The following NRXN3 variants were observed in gnomAD, a reference collection of about 807,000 sequenced individuals.
NRXN3 encodes the protein neurexin 3.
In NRXN3, 32 loss-of-function variants were observed where a neutral mutation model predicts 137.6. That is an observed-to-expected ratio of 0.23 (90% CI 0.18 to 0.31). The LOEUF (loss-of-function observed/expected upper bound fraction) is 0.31. Among genes scored for constraint, NRXN3 ranks in the 10% least tolerant of loss-of-function variants. The probability of loss-of-function intolerance (pLI) is 1.00; values close to 1 mark genes in which losing one functional copy is unlikely to be tolerated. For synonymous variants in NRXN3, 798 were observed against 784.5 expected (o/e 1.02, Z -0.29); for missense variants, 1,574 against 2,062.5 (o/e 0.76, Z 4.59).
chr14:79,352,111 T>C (rs1477848421), intron 15 of NRXN3, among the ~76,000 whole-genome samples: 2 of 152,204 alleles, frequency 1.3e-5, no homozygotes, highest in African/African-American at 4.8e-5. Flanking sequence ...CAGGTGATGA[T>C]AGCAAAGTCC....
At chr14:78,870,233 C>T (rs769107221) in intron 10 of NRXN3, among the ~76,000 whole-genome samples, 6 of 152,166 alleles carry the variant, frequency 3.9e-5, no homozygotes, top group Non-Finnish European at 8.8e-5. Context: ...AAGTTTTGAT[C>T]AAGTAAAAAA....
intron 15 of NRXN3, among the ~76,000 whole-genome samples, chr14:79,372,253 G>A (rs546286143): frequency 3.3e-5 from 5 of 152,180 alleles, no homozygotes; most frequent in African/African-American, 7.2e-5. Context: ...ATAAGATTCA[G>A]GAAGTCTTCT....
chr14:78,862,206 G>C (rs2099074191), intron 10 of NRXN3, among the ~76,000 whole-genome samples: 1 of 151,890 alleles, frequency 6.6e-6, no homozygotes. Flanking sequence ...GAAGTAGCTA[G>C]TCACAAGAAT....
At chr14:79,493,557 A>G (rs1351759553) in intron 16 of NRXN3, among the ~76,000 whole-genome samples, 1 of 152,234 alleles carries the variant, frequency 6.6e-6, no homozygotes, top group Non-Finnish European at 1.5e-5. Context: ...AAAAAAGCAT[A>G]GTGACTGAAG....
chr14:78,420,463 C>T (rs1383714454), intron 4 of NRXN3, among the ~76,000 whole-genome samples: 1 of 152,150 alleles, frequency 6.6e-6, no homozygotes, highest in Non-Finnish European at 1.5e-5. Flanking sequence ...TCATGTTCCT[C>T]ATCTGGGTTA....
At chr14:79,444,549 G>C (rs1230793235) in intron 15 of NRXN3, among the ~76,000 whole-genome samples, 1 of 152,208 alleles carries the variant, frequency 6.6e-6, no homozygotes, top group East Asian at 1.9e-4. Flanking sequence ...AAAGGGCTGG[G>C]CATGGTGGCC....
intron 4 of NRXN3, among the ~76,000 whole-genome samples, chr14:78,541,645 C>A (rs1448605127): frequency 6.6e-6 from 1 of 152,182 alleles, no homozygotes; most frequent in African/African-American, 2.4e-5. Context: ...CTCCATCCAG[C>A]TTTGTTCCGT....
intron 16 of NRXN3, among the ~76,000 whole-genome samples, chr14:79,581,838 T>C (rs2097719230): frequency 6.6e-6 from 1 of 151,722 alleles, no homozygotes. Flanking sequence ...ATAAGTAACA[T>C]AAACCTGTAT....
intron 8 of NRXN3, among the ~76,000 whole-genome samples, chr14:78,729,629 C>T (rs2098504916): frequency 6.6e-6 from 1 of 152,194 alleles, no homozygotes. Context: ...TTTGGCTCAT[C>T]ATAATTTATC....
intron 8 of NRXN3, among the ~76,000 whole-genome samples, chr14:78,762,442 C>T (rs549801538): frequency 1.4e-4 from 21 of 152,228 alleles, no homozygotes; most frequent in South Asian, 1.2e-3. Context: ...CAGAAAGCTA[C>T]GCAATCTCTT....
At chr14:79,383,952 G>A (rs2094536649) in intron 15 of NRXN3, among the ~76,000 whole-genome samples, 1 of 151,996 alleles carries the variant, frequency 6.6e-6, no homozygotes, top group African/African-American at 2.4e-5. Context: ...TATCATCATT[G>A]CTATTCAAAT....
intron 15 of NRXN3, among the ~76,000 whole-genome samples, chr14:79,121,708 A>G (rs935262937): frequency 3.9e-5 from 6 of 152,234 alleles, no homozygotes; most frequent in African/African-American, 1.4e-4. Flanking sequence ...AGATTGGTCA[A>G]TGATCACGAA....
intron 15 of NRXN3, among the ~76,000 whole-genome samples, chr14:79,098,354 G>C (rs2050708005): frequency 6.6e-6 from 1 of 152,110 alleles, no homozygotes. Flanking sequence ...TTACTTAGCA[G>C]TTTCATTTTG....
At chr14:78,351,618 T>C (rs2083502526) in intron 4 of NRXN3, among the ~76,000 whole-genome samples, 1 of 152,134 alleles carries the variant, frequency 6.6e-6, no homozygotes, top group Non-Finnish European at 1.5e-5. Context: ...CTGTGAGTTA[T>C]TTGTTCATAT....
At chr14:78,393,787 A>G (rs1044267392) in intron 4 of NRXN3, among the ~76,000 whole-genome samples, 2 of 152,014 alleles carry the variant, frequency 1.3e-5, no homozygotes, top group African/African-American at 4.8e-5. Context: ...TTGATTTTTA[A>G]TAAACATTCC....
At chr14:79,721,240 C>T (rs574068047) in intron 19 of NRXN3, among the ~76,000 whole-genome samples, 5 of 152,208 alleles carry the variant, frequency 3.3e-5, no homozygotes, top group African/African-American at 1.2e-4. Flanking sequence ...TAATTCCAGA[C>T]ACAGATCATT....
intron 18 of NRXN3, among the ~76,000 whole-genome samples, chr14:79,693,536 T>G (rs1176332166): frequency 6.6e-6 from 1 of 152,010 alleles, no homozygotes; most frequent in Non-Finnish European, 1.5e-5. Flanking sequence ...AAAAGCAAAC[T>G]AGATGCATGT....
At chr14:79,142,415 G>C (rs1476949373) in intron 15 of NRXN3, among the ~76,000 whole-genome samples, 2 of 151,086 alleles carry the variant, frequency 1.3e-5, no homozygotes, top group Non-Finnish European at 2.9e-5. Flanking sequence ...GACATAGTGA[G>C]ACTCCGTTTC....
At chr14:79,433,955 G>C (rs1480722631) in intron 15 of NRXN3, among the ~76,000 whole-genome samples, 1 of 152,178 alleles carries the variant, frequency 6.6e-6, no homozygotes, top group East Asian at 1.9e-4. Flanking sequence ...CATGCTTGAG[G>C]AAATTTCAGA....
Sources: allele counts gnomAD v4.1 joint callset (sites outside exome capture counted in the v4.1 genomes callset), GRCh38; gene constraint gnomAD v4.1.1; transcripts MANE v1.5; gene names NCBI Gene and HGNC (gene_info 2026-07-23, HGNC 2026-07-21).